TNFRSF10D: variants seen among roughly 807,000 people sequenced by gnomAD.
TNFRSF10D encodes the protein TNF receptor superfamily member 10d.
Under a neutral mutation model 42.1 loss-of-function variants are expected in TNFRSF10D, and 28 were observed. The observed-to-expected ratio is 0.66, with a 90% CI of 0.49 to 0.91. TNFRSF10D has a LOEUF of 0.91. Among genes scored for constraint, TNFRSF10D ranks in the 40% least tolerant of loss-of-function variants. The pLI is 0.00. For missense variants in TNFRSF10D, 503 were observed against 486.1 expected, an observed-to-expected ratio of 1.03 and a Z score of -0.33; for synonymous variants, 186 against 189.4, an observed-to-expected ratio of 0.98 and a Z score of 0.15.
chr8:23,140,321 A>G lies in TNFRSF10D; in HGVS notation c.955-2061T>C, dbSNP rs138944437. 7.3e-3 allele frequency among the ~76,000 whole-genome samples: 1,108 copies of G among 151,950 alleles called. 54 individuals are homozygous for G. The highest frequency in any genetic ancestry group is 0.062 in the Admixed American group (949 of 15,230). ...AAAAAAATCAGTAGCATATCTATAT[A>G]CCAATAATGTTCAGGCTGAGGACCA... On this transcript the variant is annotated intron_variant, in intron 7 of 8. Coordinates refer to ENST00000312584, the MANE Select transcript of TNFRSF10D (RefSeq NM_003840.5).
intron 1 of TNFRSF10D, among the ~76,000 whole-genome samples, chr8:23,155,240 G>GTTT (rs34813158): frequency 7.0e-6 from 1 of 143,722 alleles, no homozygotes; most frequent in Non-Finnish European, 1.5e-5. Flanking sequence ...GAGCAGAAGA[G>GTTT]TTTTTTTTTT....
intron 1 of TNFRSF10D, among the ~76,000 whole-genome samples, chr8:23,162,585 T>A (rs144461559): frequency 1.0e-3 from 153 of 152,350 alleles, no homozygotes; most frequent in African/African-American, 3.4e-3. Context: ...GAAAAAGTCC[T>A]GGCAGTCTGC....
chr8:23,162,827 A>C (rs1446705369), intron 1 of TNFRSF10D, among the ~76,000 whole-genome samples: 2 of 152,214 alleles, frequency 1.3e-5, no homozygotes, highest in African/African-American at 4.8e-5. Context: ...AAGTTACAAA[A>C]AACAGCGTTG....
At position 23,144,590 on chromosome 8, in the gene TNFRSF10D, C is replaced by T; in HGVS notation, c.814G>A (p.Glu272Lys). The T allele has an allele frequency of 6.2e-7, 1 of 1,614,178 alleles. No individual in the cohort carries two copies. Residue 272 changes from glutamate to lysine, a missense_variant, in exon 7 of 9, where the codon GAG becomes AAG. Coordinates refer to ENST00000312584, the MANE Select transcript of TNFRSF10D (RefSeq NM_003840.5). ...AGGGTCTCGTTGCGGGCATTGTCCT[C>T]CGCCCCAGGAACTCGTGAAGGACAT... ...RSCPSRVPGA[E>K]DNARNETLSN...
Position 23,137,945 on chromosome 8 carries a change from A to C in TNFRSF10D, c.1086T>G (p.Ile362Met). The C allele has an allele frequency of 6.2e-7, 1 of 1,614,216 alleles. No individual in the cohort carries two copies. The highest frequency in any genetic ancestry group is 8.5e-7 in the Non-Finnish European group (1 of 1,180,044). Residue 362 changes from isoleucine (I) to methionine (M), a missense_variant, in exon 9 of 9, where the codon ATT becomes ATG. By Grantham distance (10) the Ile-to-Met change is conservative. Coordinates refer to ENST00000312584, the MANE Select transcript of TNFRSF10D (RefSeq NM_003840.5). ...TTTCGGAGCCCACCAGTTGGTCCTG[A>C]ATTGTTTCCTTTGCATGTCCTTCTT... ...TLEEGHAKET[I>M]QDQLVGSEKL...
intron 3 of TNFRSF10D, 53 bp downstream of exon 3, chr8:23,148,385 C>T (rs1800156966): frequency 1.4e-6 from 2 of 1,441,340 alleles, no homozygotes; most frequent in Non-Finnish European, 1.9e-6. Context: ...CTACAGCTCC[C>T]ACCTCATCAC....
intron 2 of TNFRSF10D, among the ~76,000 whole-genome samples, chr8:23,149,428 G>T (rs959474834): frequency 1.3e-5 from 2 of 151,186 alleles, no homozygotes; most frequent in African/African-American, 2.4e-5. Flanking sequence ...TAGTTGACAC[G>T]GTGTATCATC....
intron 5 of TNFRSF10D, 32 bp from the exon 6 acceptor site, chr8:23,145,121 G>A (rs1370086819): frequency 2.5e-6 from 4 of 1,613,504 alleles, no homozygotes; most frequent in Non-Finnish European, 3.4e-6. Context: ...GAGCAGGCGG[G>A]GAGGGGCCCA....
rs373138944 is a variant in TNFRSF10D at position 23,137,883 on chromosome 8, G to A, written c.1148C>T (p.Thr383Met). The A allele has an allele frequency of 4.1e-4, 665 of 1,613,726 alleles. 9 individuals carry two copies. The South Asian group carries it at 6.8e-3, about 17-fold the overall frequency. ...GAAGAGATTCTTTCACAGGCAGGAC[G>A]TAGCAGAGCCTGCCTCATCTTCTTC... The part of the protein sequence containing the change: ...FYEEDEAGSA[T>M]SCL Residue 383 changes from threonine to methionine, a missense_variant, in exon 9 of 9, where the codon ACG becomes ATG. Transcript: ENST00000312584.
chr8:23,138,374 TGGAG>T, intron 7 of TNFRSF10D, 114 bp from the exon 8 acceptor site: 9 of 1,082,890 alleles, frequency 8.3e-6, no homozygotes, highest in Non-Finnish European at 1.3e-5. Flanking sequence ...TGGGTCTCCA[TGGAG>T]ATGGAGACAA....
Position 23,163,812 on chromosome 8 carries a change from C to G in TNFRSF10D, c.124G>C (p.Val42Leu), listed in dbSNP as rs775853874. 2 of 1,609,314 alleles carry G rather than the reference C, an allele frequency of 1.2e-6. No homozygotes were observed. The highest frequency in any genetic ancestry group is 2.7e-5 in the African/African-American group (2 of 74,554). ...LLDPKILKFV[V>L]FIVAVLLPVR... ...GGCAGCAGAACCGCGACGATGAAGA[C>G]GACGAACTTAAGGATCTTGGGGTCC... The change falls in exon 1 of 9, where the codon GTC (valine) becomes CTC (leucine). Residue 42 changes from valine (V) to leucine (L), a missense_variant. Transcript: ENST00000312584.
chr8:23,144,249 G>C (rs759209322), intron 7 of TNFRSF10D, among the ~76,000 whole-genome samples: 6 of 152,234 alleles, frequency 3.9e-5, no homozygotes, highest in Admixed American at 3.9e-4. Flanking sequence ...GCAAGGACAG[G>C]ACAGGGAGTA....
At chr8:23,146,232 G>A (rs939553338) in intron 4 of TNFRSF10D, among the ~76,000 whole-genome samples, 27 of 152,310 alleles carry the variant, frequency 1.8e-4, no homozygotes, top group African/African-American at 2.9e-4. Context: ...CACTCCAGGG[G>A]AAGATCACAA....
Position 23,137,723 on chromosome 8 carries a change from G to T in TNFRSF10D, c.*147C>A. ...AAATTACTCCAAGTGCGTTAACAAAGTTCTAGGACCATTGGTAAGCTGCCC... is the reference window on the plus strand; with the variant it reads ...AAATTACTCCAAGTGCGTTAACAAATTTCTAGGACCATTGGTAAGCTGCCC... On this transcript the variant is annotated 3_prime_UTR_variant, in exon 9 of 9. Coordinates refer to ENST00000312584, the MANE Select transcript of TNFRSF10D (RefSeq NM_003840.5). 6 of 1,088,808 alleles carry T rather than the reference G, an allele frequency of 5.5e-6. No individual in the cohort carries two copies. Among genetic ancestry groups the T allele is most frequent in the Non-Finnish European group, 7.8e-6 (6 of 768,398 alleles). 67.4% of individuals were successfully genotyped at this position (1,088,808 alleles called of 1,614,324 possible). A position where few individuals can be genotyped will look rare whatever the true frequency, so the allele number is the denominator to read the frequency against.
At chr8:23,141,433 A>T (rs1800014795) in intron 7 of TNFRSF10D, among the ~76,000 whole-genome samples, 1 of 151,640 alleles carries the variant, frequency 6.6e-6, no homozygotes, top group East Asian at 1.9e-4. Context: ...TGAACCCGGG[A>T]GGCGGAGGTT....
chr8:23,149,234 T>C (rs1800177852), intron 2 of TNFRSF10D, among the ~76,000 whole-genome samples: 1 of 151,262 alleles, frequency 6.6e-6, no homozygotes, highest in Non-Finnish European at 1.5e-5. Context: ...AAATATTTTA[T>C]CTTTTTTAAA....
chr8:23,137,908 C>T lies in TNFRSF10D; in HGVS notation c.1123G>A (p.Glu375Lys). Residue 375 changes from glutamate to lysine, a missense_variant, in exon 9 of 9, where the codon GAA becomes AAA. Glu to Lys is a moderately conservative substitution (Grantham distance 56, BLOSUM62 1). Coordinates refer to ENST00000312584, the MANE Select transcript of TNFRSF10D (RefSeq NM_003840.5). ...QLVGSEKLFY[E>K]EDEAGSATSC... ...GTAGCAGAGCCTGCCTCATCTTCTT[C>T]ATAAAAGAGCTTTTCGGAGCCCACC... 5 of 1,614,194 alleles carry T rather than the reference C, an allele frequency of 3.1e-6. No homozygotes were observed. The highest frequency in any genetic ancestry group is 4.2e-6 in the Non-Finnish European group (5 of 1,180,040).
At chr8:23,146,230 G>T (rs1800118164) in intron 4 of TNFRSF10D, among the ~76,000 whole-genome samples, 1 of 152,208 alleles carries the variant, frequency 6.6e-6, no homozygotes, top group African/African-American at 2.4e-5. Flanking sequence ...CGCACTCCAG[G>T]GGAAGATCAC....
chr8:23,163,438 AACG>A (rs2128840759), intron 1 of TNFRSF10D, among the ~76,000 whole-genome samples: 1 of 150,280 alleles, frequency 6.7e-6, no homozygotes, highest in African/African-American at 2.5e-5. Flanking sequence ...CGAACGAACG[AACG>A]AAAGAGGCAA....
Sources: gnomAD v4.1 joint callset for allele counts (sites outside exome capture counted in the v4.1 genomes callset) on GRCh38, gnomAD v4.1.1 for gene constraint, MANE v1.5 for transcripts, NCBI Gene and HGNC (gene_info 2026-07-23, HGNC 2026-07-21) for gene names.